Variants in IQUB observed in about 807,000 individuals in gnomAD.
The protein encoded by IQUB is IQ motif and ubiquitin domain containing, also known as IQ motif and ubiquitin-like domain-containing protein.
IQUB carries 86 observed loss-of-function variants against 86.4 expected under a neutral mutation model. That is an observed-to-expected ratio of 1.00 (90% CI 0.84 to 1.19). The LOEUF (loss-of-function observed/expected upper bound fraction) is 1.19. Ranked by LOEUF, IQUB falls within the 50% of genes most tolerant of loss-of-function variation. The pLI is 0.00. For synonymous variants in IQUB, 289 were observed against 304.5 expected (o/e 0.95, Z 0.53); for missense variants, 946 against 916.9 (o/e 1.03, Z -0.41).
At chr7:123,510,416 A>T (rs866531360) in intron 2 of IQUB, among the ~76,000 whole-genome samples, 6 of 152,102 alleles carry the variant, frequency 3.9e-5, no homozygotes, top group African/African-American at 1.2e-4. Context: ...CACTATAACT[A>T]CTTTTCACAA....
intron 1 of IQUB, among the ~76,000 whole-genome samples, chr7:123,514,917 T>C (rs1489581834): frequency 6.6e-6 from 1 of 152,210 alleles, no homozygotes; most frequent in Non-Finnish European, 1.5e-5. Flanking sequence ...GGACATATTC[T>C]TAACCTTAGA....
intron 8 of IQUB, among the ~76,000 whole-genome samples, chr7:123,471,810 C>CCT (rs1373510857): frequency 6.6e-6 from 1 of 152,148 alleles, no homozygotes; most frequent in Non-Finnish European, 1.5e-5. Flanking sequence ...TATGTGAAAT[C>CCT]CTATTGCACT....
At chr7:123,532,000 T>C (rs1451647933) in intron 1 of IQUB, among the ~76,000 whole-genome samples, 3 of 152,184 alleles carry the variant, frequency 2.0e-5, no homozygotes. Flanking sequence ...AAGCTTCTAG[T>C]TAAACTGGAA....
intron 3 of IQUB, among the ~76,000 whole-genome samples, chr7:123,506,728 A>G (rs1490065380): frequency 6.6e-6 from 1 of 152,224 alleles, no homozygotes; most frequent in Non-Finnish European, 1.5e-5. Flanking sequence ...GGGTGGGGAC[A>G]CAAATCCAAA....
chr7:123,489,606 T>A (rs1258174118), intron 7 of IQUB, among the ~76,000 whole-genome samples: 2 of 151,854 alleles, frequency 1.3e-5, no homozygotes, highest in African/African-American at 4.8e-5. Context: ...TATGTTGATA[T>A]TTTTTCATTT....
At chr7:123,457,680 T>TTAAAA in intron 11 of IQUB, 114 bp from the exon 12 acceptor site, 1 of 793,480 alleles carries the variant, frequency 1.3e-6, no homozygotes, top group Non-Finnish European at 2.0e-6. Flanking sequence ...TATTATTCAC[T>TTAAAA]AGGTTTCAAT....
intron 1 of IQUB, among the ~76,000 whole-genome samples, 151 bp from the exon 2 acceptor site, chr7:123,512,495 T>TA (rs1254675118): frequency 3.3e-5 from 5 of 151,954 alleles, no homozygotes; most frequent in Admixed American, 1.3e-4. Flanking sequence ...AGCATCAGGT[T>TA]AAAAAAAAGA....
At chr7:123,459,086 G>T (rs1393711116) in intron 11 of IQUB, among the ~76,000 whole-genome samples, 1 of 151,856 alleles carries the variant, frequency 6.6e-6, no homozygotes, top group Non-Finnish European at 1.5e-5. Context: ...TACAAGGGGG[G>T]GGAAGCTACT....
chr7:123,529,500 T>C (rs562499992), intron 1 of IQUB, among the ~76,000 whole-genome samples: 3 of 151,228 alleles, frequency 2.0e-5, no homozygotes, highest in Admixed American at 6.6e-5. Flanking sequence ...TTTAATAGGA[T>C]AATTTATTTT....
chr7:123,456,320 C>T (rs1793695176), intron 12 of IQUB, among the ~76,000 whole-genome samples: 1 of 151,932 alleles, frequency 6.6e-6, no homozygotes, highest in Admixed American at 6.6e-5. Context: ...ATCATGGGTC[C>T]TAGATGAAAT....
intron 7 of IQUB, among the ~76,000 whole-genome samples, chr7:123,484,906 C>T (rs1417638144): frequency 6.6e-6 from 1 of 152,058 alleles, no homozygotes; most frequent in East Asian, 1.9e-4. Context: ...GTAAAAAGCA[C>T]TATTTCCCAA....
chr7:123,466,859 C>T (rs1226767973), intron 9 of IQUB, among the ~76,000 whole-genome samples: 2 of 152,176 alleles, frequency 1.3e-5, no homozygotes, highest in South Asian at 2.1e-4. Context: ...GCAATCTGGG[C>T]CATATCGATG....
chr7:123,480,078 C>T (rs1161405078), intron 7 of IQUB, 108 bp from the exon 8 acceptor site: 8 of 788,406 alleles, frequency 1.0e-5, no homozygotes, highest in Non-Finnish European at 1.6e-5. Context: ...CAAAAGTATA[C>T]ACAGATAGAA....
chr7:123,529,489 T>G (rs1797417459), intron 1 of IQUB, among the ~76,000 whole-genome samples: 1 of 149,990 alleles, frequency 6.7e-6, no homozygotes, highest in African/African-American at 2.4e-5. Context: ...TTTTTTTTTG[T>G]TTTAATAGGA....
At chr7:123,475,049 C>T (rs1394577728) in intron 8 of IQUB, among the ~76,000 whole-genome samples, 1 of 152,144 alleles carries the variant, frequency 6.6e-6, no homozygotes, top group Non-Finnish European at 1.5e-5. Flanking sequence ...GTTTCCTCTC[C>T]CTTTCCAAAA....
intron 7 of IQUB, among the ~76,000 whole-genome samples, chr7:123,488,048 A>G (rs1795281903): frequency 1.3e-5 from 2 of 152,136 alleles, no homozygotes; most frequent in South Asian, 4.1e-4. Context: ...CATAACAAAC[A>G]ATTTTCTAAA....
At chr7:123,526,733 C>T (rs938477786) in intron 1 of IQUB, among the ~76,000 whole-genome samples, 2 of 150,650 alleles carry the variant, frequency 1.3e-5, no homozygotes, top group Admixed American at 1.3e-4. Flanking sequence ...GAATTTGATC[C>T]TGTCATTATG....
chr7:123,513,651 A>G (rs1216529198), intron 1 of IQUB, among the ~76,000 whole-genome samples: 1 of 152,084 alleles, frequency 6.6e-6, no homozygotes, highest in Non-Finnish European at 1.5e-5. Context: ...ATTTTTATGT[A>G]TTATTTATTC....
Position 123,514,443 on chromosome 7 carries a change from G to A in IQUB, c.-4-2099C>T, listed in dbSNP as rs189423559. ...GGATGTCTGAAGTGCAACTTGGAAAGGTAAATGTGAAAAATCATAAACATA... is the reference window on the plus strand; with the variant it reads ...GGATGTCTGAAGTGCAACTTGGAAAAGTAAATGTGAAAAATCATAAACATA... On this transcript the variant is annotated intron_variant, in intron 1 of 12. Coordinates refer to ENST00000324698, the MANE Select transcript of IQUB (RefSeq NM_178827.5). Among the ~76,000 whole-genome samples the A allele has an allele frequency of 5.0e-4, 76 of 152,068 alleles. 1 individual carries two copies. The highest frequency in any genetic ancestry group is 1.8e-3 in the African/African-American group (75 of 41,506).
Sources: gnomAD v4.1 joint callset for allele counts (sites outside exome capture counted in the v4.1 genomes callset) on GRCh38, gnomAD v4.1.1 for gene constraint, MANE v1.5 for transcripts, NCBI Gene and HGNC (gene_info 2026-07-23, HGNC 2026-07-21) for gene names.